BCL2L13: variants seen among roughly 807,000 people sequenced by gnomAD.
The protein encoded by BCL2L13 is bcl-2-like protein 13.
A neutral mutation model predicts 25.8 loss-of-function variants in BCL2L13; 13 were observed. The observed-to-expected ratio is 0.50, with a 90% CI of 0.33 to 0.80. BCL2L13 has a LOEUF of 0.80. Ranked by LOEUF, BCL2L13 falls within the 30% of genes least tolerant of loss-of-function variation. BCL2L13 has a pLI of 0.02. For missense variants in BCL2L13, 504 were observed against 574.9 expected (o/e 0.88, Z 1.26); for synonymous variants, 244 against 230.3 (o/e 1.06, Z -0.54).
At chr22:17,685,575 C>G (rs944346498) in intron 3 of BCL2L13, among the ~76,000 whole-genome samples, 3 of 151,936 alleles carry the variant, frequency 2.0e-5, no homozygotes, top group African/African-American at 7.3e-5. Flanking sequence ...TGTATCAGTA[C>G]TTCATTACTT....
intron 4 of BCL2L13, among the ~76,000 whole-genome samples, chr22:17,689,735 CGA>C (rs2060048293): frequency 6.6e-6 from 1 of 150,722 alleles, no homozygotes; most frequent in Admixed American, 6.7e-5. Flanking sequence ...CCCAGCTACT[CGA>C]GAGACTGAGG....
At chr22:17,653,391 T>C (rs1159893884) in intron 1 of BCL2L13, among the ~76,000 whole-genome samples, 1 of 152,102 alleles carries the variant, frequency 6.6e-6, no homozygotes, top group African/African-American at 2.4e-5. Context: ...GTTCCTATGC[T>C]AGTTCATGCC....
At chr22:17,674,871 T>C (rs1344416525) in intron 2 of BCL2L13, among the ~76,000 whole-genome samples, 1 of 77,402 alleles carries the variant, frequency 1.3e-5, no homozygotes, top group Non-Finnish European at 2.5e-5. Context: ...TTACCACATA[T>C]AATTTAATGT....
intron 1 of BCL2L13, among the ~76,000 whole-genome samples, chr22:17,646,464 G>C (rs1157849511): frequency 6.6e-6 from 1 of 150,854 alleles, no homozygotes; most frequent in African/African-American, 2.5e-5. Flanking sequence ...GGTCAAGCTG[G>C]TCTCAAACTC....
intron 4 of BCL2L13, among the ~76,000 whole-genome samples, chr22:17,694,451 A>G (rs1401030694): frequency 6.6e-6 from 1 of 152,108 alleles, no homozygotes; most frequent in Non-Finnish European, 1.5e-5. Context: ...GGTAGGAGGC[A>G]TCAGTTGGGC....
rs1225190201 is a variant in BCL2L13 at position 17,683,126 on chromosome 22, C to CCA, written c.122-87_122-86insAC. 7.1e-6 allele frequency: 5 copies of CCA among 707,326 alleles called. No individual in the cohort carries two copies. In the African/African-American group the frequency reaches 9.6e-5, roughly 14 times the overall value. 43.8% of individuals were successfully genotyped at this position (707,326 alleles called of 1,614,324 possible). The stretch of plus-strand genomic sequence containing the variant: ...CCAGCCCCAGTGACAGTGCGAGACT[C>CCA]CGTCTCAAAAAAAAAAAAAAAAGTG... On this transcript the variant is annotated intron_variant, in intron 2 of 6. Transcript: ENST00000317582.
chr22:17,644,388 T>G (rs1010432261), intron 1 of BCL2L13, among the ~76,000 whole-genome samples: 2 of 150,402 alleles, frequency 1.3e-5, no homozygotes, highest in African/African-American at 5.0e-5. Context: ...TGAAGTGCAG[T>G]GGCACTATCT....
At chr22:17,723,219 G>A (rs1475730149) in intron 6 of BCL2L13, among the ~76,000 whole-genome samples, 1 of 151,910 alleles carries the variant, frequency 6.6e-6, no homozygotes, top group Non-Finnish European at 1.5e-5. Flanking sequence ...ATCCTCTTCT[G>A]GACCATTCCA....
chr22:17,638,906 G>A lies in BCL2L13; in HGVS notation c.-51+20G>A, dbSNP rs2058163131. On this transcript the variant is annotated intron_variant, in intron 1 of 6. Coordinates refer to ENST00000317582, the MANE Select transcript of BCL2L13 (RefSeq NM_015367.4). Reference sequence around the variant, plus strand: ...GGCCAGGTGAGGGGAGTGGGGTTCCGGGAAGGCTGAGCTGGGTGAGGAGGT... The same window carrying A: ...GGCCAGGTGAGGGGAGTGGGGTTCCAGGAAGGCTGAGCTGGGTGAGGAGGT... 1 of 1,231,908 alleles carries A rather than the reference G, an allele frequency of 8.1e-7. No homozygotes were observed. Among genetic ancestry groups the A allele is most frequent in the South Asian group, 4.1e-5 (1 of 24,262 alleles). 76.3% of individuals were successfully genotyped at this position (1,231,908 alleles called of 1,614,324 possible). A position where few individuals can be genotyped will look rare whatever the true frequency, so the allele number is the denominator to read the frequency against.
At chr22:17,662,371 G>A (rs2059098955) in intron 2 of BCL2L13, among the ~76,000 whole-genome samples, 1 of 152,150 alleles carries the variant, frequency 6.6e-6, no homozygotes, top group African/African-American at 2.4e-5. Context: ...CCAGCTACTT[G>A]AGAGGCTGAG....
intron 2 of BCL2L13, among the ~76,000 whole-genome samples, chr22:17,677,765 A>G (rs759750194): frequency 1.3e-5 from 2 of 151,906 alleles, no homozygotes; most frequent in South Asian, 2.1e-4. Flanking sequence ...CTAGCTACTC[A>G]GGAGGCTGAG....
At position 17,706,706 on chromosome 22, in the gene BCL2L13, G is replaced by A. The variant is rs558239966; in HGVS notation, c.600+4320G>A. 1.7e-4 allele frequency: 229 copies of A among 1,351,252 alleles called. 1 individual carries two copies. In the African/African-American group the frequency reaches 3.0e-3, roughly 17 times the overall value. The allele number at this position is 1,351,252 out of a possible 1,614,324, so 83.7% of individuals were successfully genotyped here. Reference sequence around the variant, plus strand: ...GAGGGCACAGACTGGTTCATGTGCTGTGATTCTCCCTGAGTCATCCTTGCT... The same window carrying A: ...GAGGGCACAGACTGGTTCATGTGCTATGATTCTCCCTGAGTCATCCTTGCT... On this transcript the variant is annotated intron_variant, in intron 6 of 6. Transcript: ENST00000317582.
At chr22:17,719,660 C>T (rs1335757174) in intron 6 of BCL2L13, among the ~76,000 whole-genome samples, 1 of 151,924 alleles carries the variant, frequency 6.6e-6, no homozygotes, top group Admixed American at 6.6e-5. Flanking sequence ...GAAACCCCAT[C>T]TCTACTAAAA....
chr22:17,722,103 G>A (rs1027499356), intron 6 of BCL2L13, among the ~76,000 whole-genome samples: 4 of 152,002 alleles, frequency 2.6e-5, no homozygotes, highest in African/African-American at 4.8e-5. Flanking sequence ...AAGTAGATAT[G>A]TATATATGTG....
At chr22:17,724,404 C>G (rs1338018985) in intron 6 of BCL2L13, among the ~76,000 whole-genome samples, 1 of 152,134 alleles carries the variant, frequency 6.6e-6, no homozygotes, top group Non-Finnish European at 1.5e-5. Flanking sequence ...GGGATACAAG[C>G]CAGTTGTTTT....
At position 17,638,818 on chromosome 22, in the gene BCL2L13, G is replaced by T. The variant is rs1035451744; in HGVS notation, c.-119G>T. ...CGGGTCGGAGCACTCACCGCCGCTG[G>T]GGGACCCTGTCGGAAGCAACTGCCG... On this transcript the variant is annotated 5_prime_UTR_variant, in exon 1 of 7. Coordinates refer to ENST00000317582, the MANE Select transcript of BCL2L13 (RefSeq NM_015367.4). 1.6e-6 allele frequency: 2 copies of T among 1,232,014 alleles called. No homozygotes were observed. The highest frequency in any genetic ancestry group is 2.0e-6 in the Non-Finnish European group (2 of 988,242). 76.3% of individuals were successfully genotyped at this position (1,232,014 alleles called of 1,614,324 possible). A position where few individuals can be genotyped will look rare whatever the true frequency, so the allele number is the denominator to read the frequency against.
In BCL2L13 at chr22:17,729,038, G is replaced by T. The variant is rs2061360807; in HGVS notation, c.*1504G>T. 1 of 152,170 alleles carries T rather than the reference G, an allele frequency of 6.6e-6. No homozygotes were observed. Among genetic ancestry groups the T allele is most frequent in the Non-Finnish European group, 1.5e-5 (1 of 68,030 alleles). 9.4% of individuals were successfully genotyped at this position (152,170 alleles called of 1,614,324 possible). A position where few individuals can be genotyped will look rare whatever the true frequency, so the allele number is the denominator to read the frequency against. ...CACTATGCAGGGCACACGTGGCTTG[G>T]TTTAAAAAGGTCATCTTAGATTTAT... On this transcript the variant is annotated 3_prime_UTR_variant, in exon 7 of 7. Transcript: ENST00000317582.
rs2061312009 is a variant in BCL2L13 at position 17,726,819 on chromosome 22, AG to A, written c.744del (p.Gln248HisfsTer24). The A allele has an allele frequency of 6.2e-7, 1 of 1,613,864 alleles. No individual in the cohort carries two copies. Among genetic ancestry groups the A allele is most frequent in the African/African-American group, 1.3e-5 (1 of 74,922 alleles). On this transcript the variant is annotated frameshift_variant, in exon 7 of 7. Coordinates refer to ENST00000317582, the MANE Select transcript of BCL2L13 (RefSeq NM_015367.4). LOFTEE classifies it low-confidence loss of function (END_TRUNC). Reference protein sequence around the residue: ...PESPTVTTSWQSESLPVSLSA... With the variant: ...PESPTVTTSWXSESLPVSLSA... ...TCTCCAACTGTGACCACTTCCTGGC[AG>A]TCTGAGAGCTTACCTGTGTCACTGT... is the stretch of plus-strand genomic sequence containing the variant.
At position 17,664,935 on chromosome 22, in the gene BCL2L13, G is replaced by C. The variant is rs775539547; in HGVS notation, c.121+9103G>C. On this transcript the variant is annotated intron_variant, in intron 2 of 6. Coordinates refer to ENST00000317582, the MANE Select transcript of BCL2L13 (RefSeq NM_015367.4). ...TATGTTTCCCTCCTAGGACTGTGATGGGAGGAGCTGCTTGGAAGGTTTCTG... is the reference window on the plus strand; with the variant it reads ...TATGTTTCCCTCCTAGGACTGTGATCGGAGGAGCTGCTTGGAAGGTTTCTG... 5.3e-5 allele frequency among the ~76,000 whole-genome samples: 8 copies of C among 152,338 alleles called. No homozygotes were observed. The Middle Eastern group carries it at 0.014, about 259-fold the overall frequency.
Sources: allele counts gnomAD v4.1 joint callset (sites outside exome capture counted in the v4.1 genomes callset), GRCh38; gene constraint gnomAD v4.1.1; transcripts MANE v1.5; gene names NCBI Gene and HGNC (gene_info 2026-07-23, HGNC 2026-07-21).